The following FBXW7 variants were observed in gnomAD, a reference collection of about 807,000 sequenced individuals.
FBXW7 encodes F-box and WD repeat domain containing 7, also known as F-box/WD repeat-containing protein 7.
A neutral mutation model predicts 86.3 loss-of-function variants in FBXW7; 11 were observed. The observed-to-expected ratio is 0.13, with a 90% CI of 0.08 to 0.21. The LOEUF (loss-of-function observed/expected upper bound fraction) is 0.21, where lower values mean the gene tolerates loss of function less well. Among genes scored for constraint, FBXW7 ranks in the 10% least tolerant of loss-of-function variants. FBXW7 has a pLI of 1.00. For missense variants in FBXW7, 488 were observed against 847.4 expected, an observed-to-expected ratio of 0.58 and a Z score of 5.27; for synonymous variants, 313 against 297.9, an observed-to-expected ratio of 1.05 and a Z score of -0.52.
chr4:152,474,486 C>G (rs1744224618), intron 2 of FBXW7, among the ~76,000 whole-genome samples: 1 of 152,170 alleles, frequency 6.6e-6, no homozygotes, highest in Admixed American at 6.5e-5. Flanking sequence ...ATGTGAACAT[C>G]AGATTTTGAA....
chr4:152,458,260 C>T (rs961670605), intron 2 of FBXW7, among the ~76,000 whole-genome samples: 3 of 152,180 alleles, frequency 2.0e-5, no homozygotes. Flanking sequence ...CCTCGTGATC[C>T]GCCCGCCTCA....
intron 2 of FBXW7, among the ~76,000 whole-genome samples, chr4:152,453,581 A>G (rs1742111040): frequency 6.6e-6 from 1 of 151,980 alleles, no homozygotes; most frequent in South Asian, 2.1e-4. Flanking sequence ...AACAAGAGAA[A>G]TATTTTTCTA....
At chr4:152,323,312 G>A in intron 13 of FBXW7, 163 bp from the exon 14 acceptor site, 2 of 833,322 alleles carry the variant, frequency 2.4e-6, no homozygotes, top group South Asian at 3.9e-5. Flanking sequence ...GATCAGCATG[G>A]ATGTAAGAAA....
intron 4 of FBXW7, among the ~76,000 whole-genome samples, chr4:152,378,982 G>T (rs936785616): frequency 1.1e-4 from 16 of 152,236 alleles, no homozygotes; most frequent in African/African-American, 3.9e-4. Flanking sequence ...CTCCAGCCTG[G>T]GAGACAGAGT....
intron 4 of FBXW7, 110 bp downstream of exon 4, chr4:152,411,193 C>T: frequency 1.5e-6 from 2 of 1,335,198 alleles, no homozygotes; most frequent in Middle Eastern, 2.7e-4. Flanking sequence ...TTTATTATTA[C>T]ACATCTTAAG....
chr4:152,360,607 CT>C (rs565060684), intron 4 of FBXW7, among the ~76,000 whole-genome samples: 2 of 151,978 alleles, frequency 1.3e-5, no homozygotes, highest in Non-Finnish European at 1.5e-5. Context: ...CTCAAAGCCT[CT>C]TTTCTAAAGA....
chr4:152,344,533 GT>G (rs11354395), intron 6 of FBXW7, among the ~76,000 whole-genome samples: 3,246 of 142,774 alleles, frequency 0.023, 66 homozygotes, highest in African/African-American at 0.052. Flanking sequence ...ATTGAATACA[GT>G]TTTTTTTTTT....
intron 2 of FBXW7, among the ~76,000 whole-genome samples, chr4:152,435,911 T>G (rs1262416853): frequency 6.6e-6 from 1 of 152,204 alleles, no homozygotes; most frequent in African/African-American, 2.4e-5. Flanking sequence ...TGATCAGTGA[T>G]CTTTCATGTT....
intron 4 of FBXW7, among the ~76,000 whole-genome samples, chr4:152,360,025 A>C (rs1359766554): frequency 6.6e-6 from 1 of 152,236 alleles, no homozygotes; most frequent in East Asian, 1.9e-4. Context: ...GATTAACAGC[A>C]TCTATTAGAC....
chr4:152,432,796 A>C (rs1268228640), intron 2 of FBXW7, among the ~76,000 whole-genome samples: 2 of 152,172 alleles, frequency 1.3e-5, no homozygotes, highest in East Asian at 3.9e-4. Flanking sequence ...TGGGAAACAG[A>C]GCGAGACACT....
chr4:152,394,082 G>T (rs1256099660), intron 4 of FBXW7, among the ~76,000 whole-genome samples: 2 of 151,986 alleles, frequency 1.3e-5, no homozygotes, highest in Non-Finnish European at 2.9e-5. Flanking sequence ...AATAATTTAC[G>T]AAGTGTTCTC....
chr4:152,437,735 T>C (rs1740510118), intron 2 of FBXW7, among the ~76,000 whole-genome samples: 1 of 152,190 alleles, frequency 6.6e-6, no homozygotes, highest in Non-Finnish European at 1.5e-5. Context: ...AACTTCATTG[T>C]TATTTTAAGA....
chr4:152,535,873 C>T lies in FBXW7; in HGVS notation c.-959G>A, dbSNP rs1174488811. The T allele has an allele frequency of 7.9e-6, 3 of 379,500 alleles. No homozygotes were observed. Among genetic ancestry groups the T allele is most frequent in the Non-Finnish European group, 1.4e-5 (3 of 213,930 alleles). The allele number at this position is 379,500 out of a possible 1,614,324, so 23.5% of individuals were successfully genotyped here. A position where few individuals can be genotyped will look rare whatever the true frequency, so the allele number is the denominator to read the frequency against. On this transcript the variant is annotated 5_prime_UTR_variant, in exon 1 of 14. Transcript: ENST00000281708. Reference sequence around the variant, plus strand: ...GGCGTGTGCAGCCGCCGCTGCCGGCCGGGAAGGTGAGGGGGGGAAAGGAGT... The same window carrying T: ...GGCGTGTGCAGCCGCCGCTGCCGGCTGGGAAGGTGAGGGGGGGAAAGGAGT...
intron 4 of FBXW7, among the ~76,000 whole-genome samples, chr4:152,368,900 T>C (rs1215786958): frequency 6.6e-6 from 1 of 152,050 alleles, no homozygotes; most frequent in East Asian, 1.9e-4. Context: ...CATAATGGGG[T>C]TAATTTTTAC....
chr4:152,420,431 C>T (rs533755059), intron 2 of FBXW7, among the ~76,000 whole-genome samples: 1 of 152,258 alleles, frequency 6.6e-6, no homozygotes, highest in Admixed American at 6.5e-5. Context: ...GATATTTTGA[C>T]CCCCTCCCAT....
intron 2 of FBXW7, among the ~76,000 whole-genome samples, chr4:152,492,623 G>A (rs1745969300): frequency 6.6e-6 from 1 of 152,066 alleles, no homozygotes; most frequent in Non-Finnish European, 1.5e-5. Flanking sequence ...AATAACTAAT[G>A]TTTTTATCTT....
At chr4:152,396,557 C>A (rs1736433243) in intron 4 of FBXW7, among the ~76,000 whole-genome samples, 1 of 152,034 alleles carries the variant, frequency 6.6e-6, no homozygotes, top group Admixed American at 6.6e-5. Context: ...CCATCAATAG[C>A]ATCTATTATC....
chr4:152,514,974 G>A (rs1748340860), intron 2 of FBXW7, among the ~76,000 whole-genome samples: 1 of 152,130 alleles, frequency 6.6e-6, no homozygotes, highest in Non-Finnish European at 1.5e-5. Flanking sequence ...TCTGTTTACG[G>A]TCCTGAAAAG....
At chr4:152,388,310 C>A (rs1405794675) in intron 4 of FBXW7, among the ~76,000 whole-genome samples, 1 of 152,076 alleles carries the variant, frequency 6.6e-6, no homozygotes, top group Non-Finnish European at 1.5e-5. Context: ...TGCTTGGGTT[C>A]TGAAGCAGCA....
Sources: gnomAD v4.1 joint callset for allele counts (sites outside exome capture counted in the v4.1 genomes callset) on GRCh38, gnomAD v4.1.1 for gene constraint, MANE v1.5 for transcripts, NCBI Gene and HGNC (gene_info 2026-07-23, HGNC 2026-07-21) for gene names.